Variants in HS2ST1 observed in about 807,000 individuals in gnomAD.
HS2ST1 encodes the protein heparan sulfate 2-O-sulfotransferase 1, also known as 2-O-sulfotransferase.
HS2ST1 carries 18 observed loss-of-function variants against 42.9 expected under a neutral mutation model. The observed-to-expected ratio is 0.42, with a 90% CI of 0.29 to 0.62. The LOEUF is 0.62. Ranked by LOEUF, HS2ST1 falls within the 20% of genes least tolerant of loss-of-function variation. The pLI, the probability that HS2ST1 is intolerant of heterozygous loss-of-function variation, is 0.21. For synonymous variants in HS2ST1, 146 were observed against 152.9 expected (o/e 0.95, Z 0.33); for missense variants, 334 against 433.8 (o/e 0.77, Z 2.04).
intron 1 of HS2ST1, chr1:87,044,808 A>G: frequency 1.8e-6 from 1 of 566,686 alleles, no homozygotes; most frequent in Non-Finnish European, 3.1e-6. Flanking sequence ...CAGAGGGAGC[A>G]GAATCATTTT....
chr1:86,927,389 T>C (rs1419154912), intron 1 of HS2ST1, among the ~76,000 whole-genome samples: 2 of 152,132 alleles, frequency 1.3e-5, no homozygotes, highest in Non-Finnish European at 2.9e-5. Context: ...GTCTTTTAAA[T>C]TGTAACTCTT....
In HS2ST1 at chr1:87,109,571, T is replaced by TC. The variant is rs1397698573; in HGVS notation, c.*4880dup. 2 of 152,136 alleles carry TC rather than the reference T, an allele frequency of 1.3e-5. No individual in the cohort carries two copies. The highest frequency in any genetic ancestry group is 1.9e-4 in the East Asian group (1 of 5,188). 9.4% of individuals were successfully genotyped at this position (152,136 alleles called of 1,614,324 possible). A position where few individuals can be genotyped will look rare whatever the true frequency, so the allele number is the denominator to read the frequency against. Reference sequence around the variant, plus strand: ...GAACACACATTTCTGATTTTTTTTTTCCCCCTTAAAGAAGAAAGTCTCAAT... The same window carrying TC: ...GAACACACATTTCTGATTTTTTTTTTCCCCCCTTAAAGAAGAAAGTCTCAAT... On this transcript the variant is annotated 3_prime_UTR_variant, in exon 7 of 7. Coordinates refer to ENST00000370550, the MANE Select transcript of HS2ST1 (RefSeq NM_012262.4).
chr1:87,033,370 A>C (rs1249788264), intron 1 of HS2ST1, among the ~76,000 whole-genome samples: 1 of 152,232 alleles, frequency 6.6e-6, no homozygotes, highest in East Asian at 1.9e-4. Context: ...GCTAGAAAGA[A>C]ATACGGAATT....
chr1:86,979,099 G>A (rs1022520694), intron 1 of HS2ST1, among the ~76,000 whole-genome samples: 3 of 151,978 alleles, frequency 2.0e-5, no homozygotes, highest in Admixed American at 6.6e-5. Flanking sequence ...TAAGCAATCC[G>A]CCTGCCTCAG....
At chr1:86,990,832 ATATATTTTTTTTTT>A (rs1375269465) in intron 1 of HS2ST1, among the ~76,000 whole-genome samples, 1 of 17,784 alleles carries the variant, frequency 5.6e-5, no homozygotes, top group South Asian at 7.2e-3. Flanking sequence ...ATATATATAT[ATATATTTTTTTTTT>A]TTTTTTTTTT....
chr1:86,993,220 G>A lies in HS2ST1; in HGVS notation c.124+78060G>A, dbSNP rs1649009364. On this transcript the variant is annotated intron_variant, in intron 1 of 6. Coordinates refer to ENST00000370550, the MANE Select transcript of HS2ST1 (RefSeq NM_012262.4). ...TCCCCTGTGATAAAAGGTACAGTTT[G>A]TAATGTATGCAACCATACTTAGAAA... 15 of 1,440,590 alleles carry A rather than the reference G, an allele frequency of 1.0e-5. No individual in the cohort carries two copies. The South Asian group carries it at 1.9e-4, about 19-fold the overall frequency. The allele number at this position is 1,440,590 out of a possible 1,614,324, so 89.2% of individuals were successfully genotyped here.
chr1:87,019,302 TTC>T (rs1370254679), intron 1 of HS2ST1, among the ~76,000 whole-genome samples: 1 of 152,220 alleles, frequency 6.6e-6, no homozygotes, highest in Admixed American at 6.5e-5. Flanking sequence ...TCAAACGGTA[TTC>T]CTTAATATCC....
intron 1 of HS2ST1, among the ~76,000 whole-genome samples, chr1:86,998,213 G>A (rs1649163367): frequency 6.6e-6 from 1 of 152,088 alleles, no homozygotes; most frequent in African/African-American, 2.4e-5. Flanking sequence ...TAAATGCTTA[G>A]GAAAATTTGA....
chr1:86,995,592 A>T (rs1433301811), intron 1 of HS2ST1, among the ~76,000 whole-genome samples: 1 of 152,144 alleles, frequency 6.6e-6, no homozygotes, highest in African/African-American at 2.4e-5. Flanking sequence ...TTCTATGCAT[A>T]AGAAATGAAA....
At chr1:86,959,960 G>T (rs1429656122) in intron 1 of HS2ST1, among the ~76,000 whole-genome samples, 2 of 152,044 alleles carry the variant, frequency 1.3e-5, no homozygotes, top group East Asian at 3.9e-4. Flanking sequence ...GTTTATATTG[G>T]TCAGAGACCT....
chr1:87,083,151 A>G (rs1239429579), intron 2 of HS2ST1, among the ~76,000 whole-genome samples: 1 of 152,194 alleles, frequency 6.6e-6, no homozygotes, highest in Non-Finnish European at 1.5e-5. Context: ...GGCCTTTAAC[A>G]GGAGGCAGCT....
chr1:86,921,268 T>C (rs1354118051), intron 1 of HS2ST1, among the ~76,000 whole-genome samples: 1 of 152,184 alleles, frequency 6.6e-6, no homozygotes. Context: ...CTTTGATAAT[T>C]GTGGATTTGT....
At chr1:86,929,816 A>T (rs1043173415) in intron 1 of HS2ST1, among the ~76,000 whole-genome samples, 4 of 151,868 alleles carry the variant, frequency 2.6e-5, no homozygotes, top group Non-Finnish European at 5.9e-5. Context: ...ATTCATTGTC[A>T]TATCTCAAAT....
chr1:86,963,671 A>G (rs1454733330), intron 1 of HS2ST1, among the ~76,000 whole-genome samples: 1 of 83,770 alleles, frequency 1.2e-5, no homozygotes, highest in African/African-American at 3.5e-5. Context: ...GCTGTTGGGT[A>G]CACCTCCCAG....
intron 1 of HS2ST1, among the ~76,000 whole-genome samples, chr1:86,943,202 T>C (rs1388227765): frequency 6.6e-6 from 1 of 152,216 alleles, no homozygotes; most frequent in Non-Finnish European, 1.5e-5. Flanking sequence ...AACTTTGTAC[T>C]AAGTGTAAAG....
chr1:86,914,784 T>G lies in HS2ST1; in HGVS notation c.-253T>G. 3 of 517,840 alleles carry G rather than the reference T, an allele frequency of 5.8e-6. No homozygotes were observed. The highest frequency in any genetic ancestry group is 3.6e-5 in the Admixed American group (1 of 28,024). 32.1% of individuals were successfully genotyped at this position (517,840 alleles called of 1,614,324 possible). A position where few individuals can be genotyped will look rare whatever the true frequency, so the allele number is the denominator to read the frequency against. On this transcript the variant is annotated 5_prime_UTR_variant, in exon 1 of 7. Coordinates refer to ENST00000370550, the MANE Select transcript of HS2ST1 (RefSeq NM_012262.4). ...AGAGCCCGGCAGCCGCTTCGCGCTG[T>G]TTGCTGCGCGGGCTTTTGGAGGGGG...
At chr1:87,086,960 A>T (rs1651831074) in intron 3 of HS2ST1, among the ~76,000 whole-genome samples, 1 of 151,960 alleles carries the variant, frequency 6.6e-6, no homozygotes. Flanking sequence ...TTAAAATTGT[A>T]TATAGGTTGG....
At chr1:86,949,450 A>G (rs750208163) in intron 1 of HS2ST1, among the ~76,000 whole-genome samples, 3 of 152,106 alleles carry the variant, frequency 2.0e-5, no homozygotes, top group East Asian at 1.9e-4. Context: ...TTGGCCATAC[A>G]TCTCTACAGA....
chr1:87,025,676 T>C lies in HS2ST1; in HGVS notation c.125-47258T>C, dbSNP rs183877264. Among the ~76,000 whole-genome samples, 168 of 152,330 alleles carry C rather than the reference T, an allele frequency of 1.1e-3. 1 individual carries two copies. Among genetic ancestry groups the C allele is most frequent in the Non-Finnish European group, 2.6e-4 (18 of 68,026 alleles). ...TTTCCATCAATAATTTAAGATGTGT[T>C]CCTTTCAGAAAGGATGACTGAGTTC... On this transcript the variant is annotated intron_variant, in intron 1 of 6. Coordinates refer to ENST00000370550, the MANE Select transcript of HS2ST1 (RefSeq NM_012262.4).
Sources: allele counts gnomAD v4.1 joint callset (sites outside exome capture counted in the v4.1 genomes callset), GRCh38; gene constraint gnomAD v4.1.1; transcripts MANE v1.5; gene names NCBI Gene and HGNC (gene_info 2026-07-23, HGNC 2026-07-21).